The following MAD1L1 variants were observed in gnomAD, a reference collection of about 807,000 sequenced individuals.
MAD1L1 encodes mitotic arrest deficient 1 like 1, also known as mitotic spindle assembly checkpoint protein MAD1.
Under a neutral mutation model 96.9 loss-of-function variants are expected in MAD1L1, and 95 were observed. The ratio of observed to expected loss-of-function variants is 0.98; its 90% confidence interval spans 0.83 to 1.16. The LOEUF (loss-of-function observed/expected upper bound fraction) is 1.16. MAD1L1 is among the 50% of genes most tolerant of loss of function. The probability of loss-of-function intolerance (pLI) is 0.00; values close to 1 mark genes in which losing one functional copy is unlikely to be tolerated. For synonymous variants in MAD1L1, 473 were observed against 396.6 expected (o/e 1.19, Z -2.29); for missense variants, 1,007 against 954.4 (o/e 1.06, Z -0.73).
chr7:2,195,427 A>T (rs1393049026), intron 10 of MAD1L1, among the ~76,000 whole-genome samples: 6 of 152,230 alleles, frequency 3.9e-5, no homozygotes, highest in Non-Finnish European at 7.3e-5. Context: ...GGAAAAGTAA[A>T]AACTAGAAAG....
At chr7:2,014,738 C>T (rs915222997) in intron 12 of MAD1L1, 96 bp from the exon 13 acceptor site, 9 of 1,379,188 alleles carry the variant, frequency 6.5e-6, no homozygotes, top group South Asian at 1.5e-5. Context: ...CTGGGTCACG[C>T]GGGGGCTCCC....
In MAD1L1 at chr7:2,060,028, A is replaced by AAGATACGCCGATGCCG. The variant is rs541502891; in HGVS notation, c.1218+9150_1218+9165dup. Among the ~76,000 whole-genome samples, 12 of 152,304 alleles carry AAGATACGCCGATGCCG rather than the reference A, an allele frequency of 7.9e-5. No homozygotes were observed. In the South Asian group the frequency reaches 1.7e-3, roughly 21 times the overall value. On this transcript the variant is annotated intron_variant, in intron 12 of 18. Coordinates refer to ENST00000265854, the MANE Select transcript of MAD1L1 (RefSeq NM_001013836.2). ...GGAACATGTGGCATTCATGGTTCAC[A>AAGATACGCCGATGCCG]AGATACGCCGATGCCGAGATACACC...
intron 12 of MAD1L1, among the ~76,000 whole-genome samples, chr7:2,056,103 AC>A (rs1176563928): frequency 1.3e-5 from 2 of 152,012 alleles, no homozygotes; most frequent in South Asian, 2.1e-4. Flanking sequence ...CACAGAGCTG[AC>A]CCCCCGACGC....
chr7:2,060,374 G>GATGCC (rs1278489302), intron 12 of MAD1L1, among the ~76,000 whole-genome samples: 2 of 151,554 alleles, frequency 1.3e-5, no homozygotes, highest in African/African-American at 4.9e-5. Flanking sequence ...AAGATACACC[G>GATGCC]ATGCCGAGAT....
intron 18 of MAD1L1, among the ~76,000 whole-genome samples, chr7:1,841,291 C>CT (rs1204206198): frequency 6.6e-6 from 1 of 152,226 alleles, no homozygotes; most frequent in Non-Finnish European, 1.5e-5. Flanking sequence ...GAGGACAGCT[C>CT]TTGGCTCCGC....
chr7:2,082,300 A>T (rs535817243), intron 11 of MAD1L1, among the ~76,000 whole-genome samples: 28 of 152,108 alleles, frequency 1.8e-4, no homozygotes, highest in Admixed American at 1.6e-3. Context: ...AGCGGGGACC[A>T]TGGGGCCGTG....
chr7:2,136,323 A>G (rs953742295), intron 11 of MAD1L1, among the ~76,000 whole-genome samples: 7 of 152,170 alleles, frequency 4.6e-5, no homozygotes, highest in African/African-American at 1.7e-4. Flanking sequence ...TGAGCTCACA[A>G]GCAGACTCCA....
Position 2,222,739 on chromosome 7 carries a change from T to C in MAD1L1, c.307A>G (p.Asn103Asp). The change falls in exon 5 of 19, where the codon AAC (asparagine) becomes GAC (aspartate). Residue 103 changes from asparagine to aspartate, a missense_variant. Physicochemically the swap from Asn to Asp is conservative, Grantham distance 23. Coordinates refer to ENST00000265854, the MANE Select transcript of MAD1L1 (RefSeq NM_001013836.2). The stretch of plus-strand genomic sequence containing the variant: ...CGGATGCGCGTCAGGAGCTCCTGGT[T>C]GCGGTCGACCTCACGCTGTTAAGAG... ...ARNYEREVDRNQELLTRIRQL... is the reference protein window; with the variant it reads ...ARNYEREVDRDQELLTRIRQL... The C allele has an allele frequency of 1.2e-6, 2 of 1,603,222 alleles. No homozygotes were observed. Among genetic ancestry groups the C allele is most frequent in the Non-Finnish European group, 1.7e-6 (2 of 1,178,632 alleles).
chr7:2,165,831 G>A (rs942046025), intron 10 of MAD1L1, among the ~76,000 whole-genome samples: 1 of 152,122 alleles, frequency 6.6e-6, no homozygotes, highest in Non-Finnish European at 1.5e-5. Context: ...GGAGCAACAT[G>A]GCCATGGCTG....
chr7:1,859,945 A>T (rs1784448625), intron 18 of MAD1L1, among the ~76,000 whole-genome samples: 1 of 128,422 alleles, frequency 7.8e-6, no homozygotes, highest in African/African-American at 4.5e-5. Context: ...GTCTCCCTAG[A>T]CGTGACATCC....
At chr7:2,083,815 C>T (rs777215946) in intron 11 of MAD1L1, among the ~76,000 whole-genome samples, 1 of 152,236 alleles carries the variant, frequency 6.6e-6, no homozygotes, top group Non-Finnish European at 1.5e-5. Flanking sequence ...CAGGAGCGCC[C>T]GTTCCCATCT....
At chr7:2,170,764 G>C (rs1790669038) in intron 10 of MAD1L1, among the ~76,000 whole-genome samples, 1 of 152,196 alleles carries the variant, frequency 6.6e-6, no homozygotes, top group African/African-American at 2.4e-5. Flanking sequence ...AGGATCCCAG[G>C]AAGGCAAGGA....
chr7:1,834,523 C>G (rs1340725222), intron 18 of MAD1L1, among the ~76,000 whole-genome samples: 1 of 152,082 alleles, frequency 6.6e-6, no homozygotes, highest in Non-Finnish European at 1.5e-5. Flanking sequence ...CCTTTGAAAA[C>G]AGATAAAATG....
intron 12 of MAD1L1, among the ~76,000 whole-genome samples, chr7:2,016,919 G>C (rs1349124372): frequency 6.6e-6 from 1 of 152,268 alleles, no homozygotes; most frequent in African/African-American, 2.4e-5. Context: ...AGTTACCGGA[G>C]TTGTCAGTAC....
intron 11 of MAD1L1, among the ~76,000 whole-genome samples, chr7:2,093,815 C>G (rs1018912879): frequency 7.2e-5 from 11 of 152,184 alleles, no homozygotes; most frequent in Non-Finnish European, 7.3e-5. Flanking sequence ...ACGCGGAACC[C>G]AGGAACGCAG....
At chr7:2,062,359 G>A (rs911449608) in intron 12 of MAD1L1, among the ~76,000 whole-genome samples, 4 of 151,622 alleles carry the variant, frequency 2.6e-5, no homozygotes, top group Admixed American at 2.6e-4. Flanking sequence ...GGGGGATCAC[G>A]AGGTCAGGAG....
intron 14 of MAD1L1, among the ~76,000 whole-genome samples, chr7:1,998,486 GC>G (rs1194601887): frequency 6.6e-6 from 1 of 152,182 alleles, no homozygotes; most frequent in African/African-American, 2.4e-5. Context: ...CAGAAGCATG[GC>G]CCCCAGGCAC....
At chr7:1,870,852 A>G (rs1337604243) in intron 18 of MAD1L1, among the ~76,000 whole-genome samples, 10 of 103,252 alleles carry the variant, frequency 9.7e-5, no homozygotes, top group Admixed American at 5.4e-4. Context: ...TGAACCGACC[A>G]TAACACCTGC....
intron 12 of MAD1L1, among the ~76,000 whole-genome samples, chr7:2,031,237 G>A (rs1038646759): frequency 3.9e-5 from 6 of 152,252 alleles, no homozygotes; most frequent in East Asian, 3.9e-4. Context: ...CACAGAGCAC[G>A]CTCCCTTCCC....
Sources: allele counts gnomAD v4.1 joint callset (sites outside exome capture counted in the v4.1 genomes callset), GRCh38; gene constraint gnomAD v4.1.1; transcripts MANE v1.5; gene names NCBI Gene and HGNC (gene_info 2026-07-23, HGNC 2026-07-21).